Variants in CCSER1 observed in about 807,000 individuals in gnomAD.
CCSER1 encodes serine-rich coiled-coil domain-containing protein 1.
CCSER1 carries 41 observed loss-of-function variants against 82.0 expected under a neutral mutation model. The observed-to-expected ratio is 0.50, with a 90% CI of 0.39 to 0.65. The LOEUF is 0.65. Among genes scored for constraint, CCSER1 ranks in the 30% least tolerant of loss-of-function variants. The pLI, the probability that CCSER1 is intolerant of heterozygous loss-of-function variation, is 0.00. For synonymous variants in CCSER1, 414 were observed against 383.9 expected, an observed-to-expected ratio of 1.08 and a Z score of -0.92; for missense variants, 1,119 against 1,064.2, an observed-to-expected ratio of 1.05 and a Z score of -0.72.
At chr4:91,436,231 A>T (rs1444634275) in intron 10 of CCSER1, among the ~76,000 whole-genome samples, 1 of 152,142 alleles carries the variant, frequency 6.6e-6, no homozygotes, top group African/African-American at 2.4e-5. Context: ...GGCACATTGG[A>T]TTTATTTCAG....
intron 10 of CCSER1, among the ~76,000 whole-genome samples, chr4:91,239,263 C>G (rs1337878840): frequency 1.1e-5 from 1 of 91,728 alleles, no homozygotes; most frequent in Non-Finnish European, 2.1e-5. Flanking sequence ...AGCAACAAAA[C>G]TAGGGTTCGA....
chr4:90,699,011 G>A (rs1560967629), intron 6 of CCSER1, among the ~76,000 whole-genome samples: 2 of 152,090 alleles, frequency 1.3e-5, no homozygotes, highest in African/African-American at 4.8e-5. Context: ...TGAGGTGGGA[G>A]GATCGCTTGA....
chr4:90,225,736 C>T (rs1420682472), intron 1 of CCSER1, among the ~76,000 whole-genome samples: 2 of 152,098 alleles, frequency 1.3e-5, no homozygotes, highest in Non-Finnish European at 2.9e-5. Context: ...TGATCTATTG[C>T]TGTTTTCCTC....
chr4:90,884,661 T>A (rs1233579332), intron 8 of CCSER1, among the ~76,000 whole-genome samples: 1 of 152,142 alleles, frequency 6.6e-6, no homozygotes, highest in East Asian at 1.9e-4. Context: ...ATATCTATTT[T>A]AAAATGTGTT....
intron 10 of CCSER1, among the ~76,000 whole-genome samples, chr4:91,204,227 A>G (rs1176089823): frequency 6.6e-6 from 1 of 151,888 alleles, no homozygotes; most frequent in African/African-American, 2.4e-5. Context: ...CATTGCTACA[A>G]TAACAATAGA....
At chr4:90,209,290 T>C (rs1043766044) in intron 1 of CCSER1, among the ~76,000 whole-genome samples, 8 of 152,198 alleles carry the variant, frequency 5.3e-5, no homozygotes, top group African/African-American at 1.9e-4. Flanking sequence ...TAGTCAAGCC[T>C]TGCACAGAGG....
At chr4:90,937,295 C>T (rs1201366738) in intron 9 of CCSER1, among the ~76,000 whole-genome samples, 1 of 152,088 alleles carries the variant, frequency 6.6e-6, no homozygotes. Context: ...AGCATGGTGA[C>T]AGGGAAAATC....
chr4:90,613,506 G>T (rs1372574904), intron 5 of CCSER1, among the ~76,000 whole-genome samples: 1 of 152,294 alleles, frequency 6.6e-6, no homozygotes, highest in East Asian at 1.9e-4. Context: ...AGCTACTATG[G>T]TTTTCTGTCT....
At chr4:91,181,058 C>G (rs1244842945) in intron 10 of CCSER1, among the ~76,000 whole-genome samples, 1 of 152,214 alleles carries the variant, frequency 6.6e-6, no homozygotes, top group African/African-American at 2.4e-5. Context: ...GTTCATTGCC[C>G]TCATTCCCAT....
At chr4:90,630,249 T>C (rs1724126119) in intron 6 of CCSER1, among the ~76,000 whole-genome samples, 1 of 152,208 alleles carries the variant, frequency 6.6e-6, no homozygotes, top group South Asian at 2.1e-4. Flanking sequence ...ACAAACTTAG[T>C]AACAGCTGTT....
At position 90,724,007 on chromosome 4, in the gene CCSER1, G is replaced by A; in HGVS notation, c.2010+16G>A. On this transcript the variant is annotated intron_variant, in intron 7 of 10. Transcript: ENST00000509176. ...GCCTTTCAAGGTAAAAAACAAACAAGAAAGCATTATTTATAAAAATATTAG... is the reference window on the plus strand; with the variant it reads ...GCCTTTCAAGGTAAAAAACAAACAAAAAAGCATTATTTATAAAAATATTAG... 1 of 1,458,302 alleles carries A rather than the reference G, an allele frequency of 6.9e-7. No individual in the cohort carries two copies. The highest frequency in any genetic ancestry group is 9.4e-7 in the Non-Finnish European group (1 of 1,063,398). The allele number at this position is 1,458,302 out of a possible 1,614,324, so 90.3% of individuals were successfully genotyped here.
intron 8 of CCSER1, among the ~76,000 whole-genome samples, chr4:90,865,483 T>A (rs1047405084): frequency 9.2e-5 from 14 of 152,038 alleles, no homozygotes; most frequent in African/African-American, 3.4e-4. Flanking sequence ...ACCTTCCAGC[T>A]GTCATATCTC....
At chr4:90,603,779 T>C (rs1375589567) in intron 5 of CCSER1, among the ~76,000 whole-genome samples, 2 of 152,144 alleles carry the variant, frequency 1.3e-5, no homozygotes, top group African/African-American at 4.8e-5. Flanking sequence ...GCAGTTGCTT[T>C]CCAGGGAGTA....
chr4:90,861,552 G>T (rs1361426373), intron 8 of CCSER1, among the ~76,000 whole-genome samples: 1 of 151,684 alleles, frequency 6.6e-6, no homozygotes, highest in East Asian at 1.9e-4. Flanking sequence ...CCTTGTAATA[G>T]AAAAGGCCGT....
chr4:90,890,106 T>TA (rs1344101325), intron 8 of CCSER1, among the ~76,000 whole-genome samples: 1 of 152,140 alleles, frequency 6.6e-6, no homozygotes, highest in East Asian at 1.9e-4. Context: ...TAGGAAAAAT[T>TA]ATGGTGTTTA....
chr4:90,927,441 A>G (rs891758387), intron 9 of CCSER1, among the ~76,000 whole-genome samples: 8 of 151,956 alleles, frequency 5.3e-5, no homozygotes, highest in Non-Finnish European at 2.9e-5. Flanking sequence ...CTGTTAGTTT[A>G]AATATCATTA....
chr4:90,941,974 G>T (rs1731648733), intron 9 of CCSER1, among the ~76,000 whole-genome samples: 1 of 151,370 alleles, frequency 6.6e-6, no homozygotes, highest in African/African-American at 2.4e-5. Context: ...TTTGAGACAA[G>T]TTCTGGCTCT....
chr4:90,503,933 A>T (rs1770309973), intron 5 of CCSER1, among the ~76,000 whole-genome samples: 1 of 152,150 alleles, frequency 6.6e-6, no homozygotes, highest in Non-Finnish European at 1.5e-5. Context: ...TTTCCTAAAA[A>T]GTCATTCTAC....
At chr4:90,398,392 A>T (rs1394283360) in intron 3 of CCSER1, among the ~76,000 whole-genome samples, 1 of 152,216 alleles carries the variant, frequency 6.6e-6, no homozygotes, top group Non-Finnish European at 1.5e-5. Flanking sequence ...CCCCAATTAG[A>T]AATTGGATAA....
Sources: gnomAD v4.1 joint callset for allele counts (sites outside exome capture counted in the v4.1 genomes callset) on GRCh38, gnomAD v4.1.1 for gene constraint, MANE v1.5 for transcripts, NCBI Gene and HGNC (gene_info 2026-07-23, HGNC 2026-07-21) for gene names.